The following IDS variants were observed in gnomAD, a reference collection of about 807,000 sequenced individuals.
IDS encodes iduronate 2-sulfatase.
IDS carries 1 observed loss-of-function variant against 33.5 expected under a neutral mutation model. That is an observed-to-expected ratio of 0.03 (90% CI 0.01 to 0.14). The LOEUF is 0.14. Ranked by LOEUF, IDS falls within the 10% of genes least tolerant of loss-of-function variation. The pLI is 1.00. For synonymous variants in IDS, 191 were observed against 184.4 expected (o/e 1.04, Z -0.29); for missense variants, 328 against 448.0 (o/e 0.73, Z 2.42).
At chrX:149,489,027 G>A (rs1364424871) in intron 7 of IDS, among the ~76,000 whole-genome samples, 2 of 111,427 alleles carry the variant, frequency 1.8e-5, no homozygotes, top group Non-Finnish European at 3.8e-5. Flanking sequence ...TGTTTTACTG[G>A]CTCCCAGGCG....
At chrX:149,502,066 G>A (rs781859371) in intron 3 of IDS, 4 of 320,207 alleles carry the variant, frequency 1.2e-5, no homozygotes, top group African/African-American at 5.3e-5. Flanking sequence ...CATGGTAAAC[G>A]GTACATACCT....
intron 4 of IDS, among the ~76,000 whole-genome samples, chrX:149,500,094 G>A (rs1362544657): frequency 1.8e-5 from 2 of 111,449 alleles, no homozygotes; most frequent in Non-Finnish European, 1.9e-5. Context: ...TGCAGCACTC[G>A]AGGGAGATTT....
At chrX:149,491,613 T>C (rs1281225551) in intron 6 of IDS, 5 of 1,002,381 alleles carry the variant, frequency 5.0e-6, no homozygotes, top group South Asian at 1.9e-5. Flanking sequence ...CTGGCCTACT[T>C]ATACTTTCTG....
chrX:149,504,942 A>T, intron 1 of IDS, 93 bp downstream of exon 1: 2 of 657,147 alleles, frequency 3.0e-6, no homozygotes, highest in South Asian at 5.0e-5. Flanking sequence ...GGGTAAAAAG[A>T]ATGGATATAA....
At chrX:149,491,444 G>C in intron 6 of IDS, 2 of 616,839 alleles carry the variant, frequency 3.2e-6, no homozygotes, top group Non-Finnish European at 4.3e-6. Context: ...GGTGAGAAGA[G>C]AGCCGTGTCT....
chrX:149,483,248 G>A lies in IDS; in HGVS notation c.1181-30C>T, dbSNP rs782665561. ...AACAGGAAGCGACAGAGCAGAATGG[G>A]TTACATTATAAAAGCCTGCCATGGC... is the stretch of plus-strand genomic sequence containing the variant. On this transcript the variant is annotated intron_variant, in intron 8 of 8. Coordinates refer to ENST00000340855, the MANE Select transcript of IDS (RefSeq NM_000202.8). The A allele has an allele frequency of 3.6e-6, 4 of 1,125,273 alleles. No homozygotes were observed. In the Admixed American group the frequency reaches 8.7e-5, roughly 25 times the overall value. 92.7% of individuals were successfully genotyped at this position (1,125,273 alleles called of 1,213,427 possible).
In IDS at chrX:149,497,196, G is replaced by A. The variant is rs4844026; in HGVS notation, c.709-680C>T. 0.2 allele frequency among the ~76,000 whole-genome samples: 21,547 copies of A among 110,205 alleles called. 1,681 individuals carry two copies. Among genetic ancestry groups the A allele is most frequent in the Middle Eastern group, 0.24 (50 of 212 alleles). On this transcript the variant is annotated intron_variant, in intron 5 of 8. Transcript: ENST00000340855. ...TCCCAGAAAAAAAAAAACAAACCCA[G>A]GGGTTTATCATCAACCATAATGTTT... is the stretch of plus-strand genomic sequence containing the variant.
At chrX:149,489,775 C>G (rs1306733512) in intron 7 of IDS, among the ~76,000 whole-genome samples, 2 of 111,051 alleles carry the variant, frequency 1.8e-5, no homozygotes, top group East Asian at 5.6e-4. Context: ...ATTCCCTGCT[C>G]TTGGAATGTT....
At chrX:149,493,409 T>C (rs901907659) in intron 6 of IDS, among the ~76,000 whole-genome samples, 31 of 111,670 alleles carry the variant, frequency 2.8e-4, no homozygotes, top group African/African-American at 9.8e-4. Context: ...GGTGGAAGCC[T>C]GTGTAGAGGA....
At chrX:149,503,617 C>G in intron 2 of IDS, 128 bp from the exon 3 acceptor site, 1 of 622,176 alleles carries the variant, frequency 1.6e-6, no homozygotes, top group Non-Finnish European at 2.6e-6. Flanking sequence ...ATGCAGAGCT[C>G]AAACCAGACA....
rs2089507067 is a variant in IDS at position 149,504,445 on chromosome X, G to A, written c.104-152C>T. On this transcript the variant is annotated intron_variant, in intron 1 of 8. Transcript: ENST00000340855. ...GCGCTGTGCCTCAGCAAGGGTGGGA[G>A]TGGGGCTCGAGGAGGAAGCCTGAGT... 2.0e-5 allele frequency: 12 copies of A among 596,962 alleles called. No individual in the cohort carries two copies. The East Asian group carries it at 4.6e-4, about 23-fold the overall frequency. 49.2% of individuals were successfully genotyped at this position (596,962 alleles called of 1,213,427 possible). A position where few individuals can be genotyped will look rare whatever the true frequency, so the allele number is the denominator to read the frequency against.
intron 6 of IDS, among the ~76,000 whole-genome samples, chrX:149,490,645 C>A (rs986500538): frequency 8.9e-6 from 1 of 112,354 alleles, no homozygotes; most frequent in Non-Finnish European, 1.9e-5. Flanking sequence ...TGTAGGTCTA[C>A]AAATAAGATA....
intron 5 of IDS, among the ~76,000 whole-genome samples, chrX:149,497,479 A>G (rs1396005966): frequency 1.8e-5 from 2 of 112,408 alleles, no homozygotes; most frequent in African/African-American, 6.5e-5. Flanking sequence ...TACCTGCAAC[A>G]TCAAAGAGCA....
chrX:149,484,602 G>A lies in IDS; in HGVS notation c.1181-1384C>T, dbSNP rs191628905. ...CCCAAAGTGCTGGGATTACTGGCGT[G>A]AGCCACCACGCCCAGCCTTTCACAG... On this transcript the variant is annotated intron_variant, in intron 8 of 8. Transcript: ENST00000340855. Among the ~76,000 whole-genome samples the A allele has an allele frequency of 8.7e-3, 982 of 112,910 alleles. 5 individuals are homozygous for A. The highest frequency in any genetic ancestry group is 0.014 in the Non-Finnish European group (750 of 53,331).
chrX:149,487,350 A>G (rs782632531), intron 7 of IDS: 2 of 1,038,827 alleles, frequency 1.9e-6, no homozygotes, highest in East Asian at 3.0e-5. Context: ...TCCCAAACTC[A>G]AATATCTTAA....
chrX:149,498,293 T>G lies in IDS; in HGVS notation c.522A>C (p.Pro174=). 8.3e-7 allele frequency: 1 copy of G among 1,210,150 alleles called. No individual in the cohort carries two copies. Among genetic ancestry groups the G allele is most frequent in the Non-Finnish European group, 1.1e-6 (1 of 893,787 alleles). Residue 174 remains proline, a synonymous_variant, in exon 5 of 9, where the codon CCA becomes CCC. Transcript: ENST00000340855. Reference sequence around the variant, plus strand: ...GCAGGTTGGCATGGAGTTCTCCATCTGGCCCTCGACATGTCTTTCAAAACA... The same window carrying G: ...GCAGGTTGGCATGGAGTTCTCCATCGGGCCCTCGACATGTCTTTCAAAACA... ...KYENTKTCRG[P]DGELHANLLC...
intron 6 of IDS, among the ~76,000 whole-genome samples, chrX:149,494,660 T>C (rs1324506530): frequency 9.0e-6 from 1 of 111,604 alleles, no homozygotes; most frequent in African/African-American, 3.3e-5. Flanking sequence ...GTCCACTGTG[T>C]GTAAGGAGGG....
chrX:149,494,713 G>A (rs1192472057), intron 6 of IDS, among the ~76,000 whole-genome samples: 1 of 111,813 alleles, frequency 8.9e-6, no homozygotes, highest in Non-Finnish European at 1.9e-5. Context: ...CAGCCGACAC[G>A]GTCCTAGATA....
Position 149,505,224 on chromosome X carries a change from C to CTACT in IDS, c.-88_-87insAGTA. 6 of 659,004 alleles carry CTACT rather than the reference C, an allele frequency of 9.1e-6. No individual in the cohort carries two copies. Among genetic ancestry groups the CTACT allele is most frequent in the Admixed American group, 6.8e-5 (2 of 29,422 alleles). 54.3% of individuals were successfully genotyped at this position (659,004 alleles called of 1,213,427 possible). A position where few individuals can be genotyped will look rare whatever the true frequency, so the allele number is the denominator to read the frequency against. On this transcript the variant is annotated 5_prime_UTR_variant, in exon 1 of 9. The change creates a premature stop within an existing upstream ORF in the 5' untranslated region. Coordinates refer to ENST00000340855, the MANE Select transcript of IDS (RefSeq NM_000202.8). ...GCAGCCGCCGCCGCAGCCACAGAGA[C>CTACT]CTCCTCGTCGGGAACCCATGAAGAC... is the stretch of plus-strand genomic sequence containing the variant.
Sources: gnomAD v4.1 joint callset for allele counts (sites outside exome capture counted in the v4.1 genomes callset) on GRCh38, gnomAD v4.1.1 for gene constraint, MANE v1.5 for transcripts, NCBI Gene and HGNC (gene_info 2026-07-23, HGNC 2026-07-21) for gene names.